Variants in SPINK5 observed in about 807,000 individuals in gnomAD.
SPINK5 encodes serine peptidase inhibitor Kazal type 5, also known as serine protease inhibitor Kazal-type 5.
In SPINK5, 125 loss-of-function variants were observed where a neutral mutation model predicts 151.8. That is an observed-to-expected ratio of 0.82 (90% CI 0.71 to 0.96). The LOEUF (loss-of-function observed/expected upper bound fraction) is 0.96, where lower values mean the gene tolerates loss of function less well. SPINK5 is among the 40% of genes least tolerant of loss of function. The pLI is 0.00. For synonymous variants in SPINK5, 374 were observed against 395.3 expected (o/e 0.95, Z 0.64); for missense variants, 1,194 against 1,291.9 (o/e 0.92, Z 1.16).
chr5:148,119,064 T>C lies in SPINK5; in HGVS notation c.2313+6T>C. 1 of 1,613,752 alleles carries C rather than the reference T, an allele frequency of 6.2e-7. No individual in the cohort carries two copies. Among genetic ancestry groups the C allele is most frequent in the Non-Finnish European group, 8.5e-7 (1 of 1,179,806 alleles). ...CTGGATCAGAATCAGGGAAGGTGAG[T>C]TATTTTTTGGGTTTTGGCAAGAATC... On this transcript the variant is annotated splice_donor_region_variant and intron_variant, in intron 24 of 32. Coordinates refer to ENST00000256084, the MANE Select transcript of SPINK5 (RefSeq NM_006846.4).
intron 20 of SPINK5, among the ~76,000 whole-genome samples, chr5:148,113,690 C>T (rs17107763): frequency 0.15 from 23,313 of 152,106 alleles, 2,459 homozygotes; most frequent in East Asian, 0.32. Flanking sequence ...CGCCCTGGAA[C>T]TCTGTATGTT....
chr5:148,119,089 C>T (rs9325073), intron 24 of SPINK5, 31 bp downstream of exon 24: 41 of 1,605,384 alleles, frequency 2.6e-5, no homozygotes, highest in Non-Finnish European at 3.4e-5. Context: ...TGGCAAGAAT[C>T]GTCTTTCTGT....
At chr5:148,095,694 G>A in intron 9 of SPINK5, 124 bp from the exon 10 acceptor site, 1 of 765,698 alleles carries the variant, frequency 1.3e-6, no homozygotes, top group Non-Finnish European at 2.3e-6. Flanking sequence ...GGGGATTTGA[G>A]GTGTTTTTAA....
intron 20 of SPINK5, among the ~76,000 whole-genome samples, chr5:148,113,464 T>C (rs1370059492): frequency 6.6e-6 from 1 of 152,218 alleles, no homozygotes; most frequent in East Asian, 1.9e-4. Context: ...CTATTTGTTT[T>C]TGGATTACCA....
At chr5:148,114,609 T>G in intron 21 of SPINK5, 120 bp downstream of exon 21, 1 of 1,421,350 alleles carries the variant, frequency 7.0e-7, no homozygotes, top group Non-Finnish European at 9.8e-7. Flanking sequence ...GAAGGTTATC[T>G]GTAAAGCATT....
rs1040842145 is a variant in SPINK5, at chr5:148,112,925, A to T, written c.1878A>T (p.Glu626Asp). 1 of 1,613,874 alleles carries T rather than the reference A, an allele frequency of 6.2e-7. No individual in the cohort carries two copies. The highest frequency in any genetic ancestry group is 1.7e-5 in the Admixed American group (1 of 59,988). The change falls in exon 20 of 33, where the codon GAA becomes GAT. Residue 626 changes from glutamate (E) to aspartate (D), a missense_variant. By Grantham distance (45) the Glu-to-Asp change is conservative. Coordinates refer to ENST00000256084, the MANE Select transcript of SPINK5 (RefSeq NM_006846.4). ...RAEPRAKVKR[E>D]AEKETCDEFR... ...AACCCAGAGCAAAAGTCAAAAGAGA[A>T]GCTGAAAAGGTAGTAATCCTGAATG...
Position 148,105,010 on chromosome 5 carries a change from TC to T in SPINK5, c.1479+11del, listed in dbSNP as rs2113133247. The T allele has an allele frequency of 6.2e-7, 1 of 1,613,504 alleles. No individual in the cohort carries two copies. The highest frequency in any genetic ancestry group is 8.5e-7 in the Non-Finnish European group (1 of 1,179,524). On this transcript the variant is annotated intron_variant, in intron 16 of 32. Coordinates refer to ENST00000256084, the MANE Select transcript of SPINK5 (RefSeq NM_006846.4). ...AAGAGAAGCTGCAAAGGTAATATTC[TC>T]AGGAATGCTGATGCTGTGCCCTGAC...
chr5:148,098,799 G>A (rs140429478), intron 11 of SPINK5, among the ~76,000 whole-genome samples: 1 of 152,084 alleles, frequency 6.6e-6, no homozygotes, highest in African/African-American at 2.4e-5. Flanking sequence ...CTTGGTTGTA[G>A]TCATATCCTG....
At chr5:148,082,622 T>TGG (rs1271269979) in intron 4 of SPINK5, among the ~76,000 whole-genome samples, 6 of 12,660 alleles carry the variant, frequency 4.7e-4, no homozygotes, top group Non-Finnish European at 6.8e-4. Flanking sequence ...TTTTTTTTTT[T>TGG]TTTTTTGAGA....
chr5:148,083,862 C>T (rs989599775), intron 4 of SPINK5, among the ~76,000 whole-genome samples: 5 of 151,410 alleles, frequency 3.3e-5, no homozygotes, highest in East Asian at 3.9e-4. Context: ...TTTCCATTGC[C>T]TTCTAGGAGA....
intron 5 of SPINK5, among the ~76,000 whole-genome samples, chr5:148,087,037 T>G (rs1181766019): frequency 1.3e-5 from 2 of 151,558 alleles, no homozygotes; most frequent in African/African-American, 4.8e-5. Context: ...ATCCATCATC[T>G]ATTATCTATT....
At chr5:148,133,199 T>G (rs980751091) in intron 31 of SPINK5, among the ~76,000 whole-genome samples, 1 of 152,168 alleles carries the variant, frequency 6.6e-6, no homozygotes, top group Admixed American at 6.5e-5. Flanking sequence ...GGAAACAATA[T>G]TCATTTCTAA....
At chr5:148,107,563 G>A (rs1163882001) in intron 17 of SPINK5, among the ~76,000 whole-genome samples, 3 of 151,978 alleles carry the variant, frequency 2.0e-5, no homozygotes, top group Admixed American at 2.0e-4. Context: ...AGGTCTGTGG[G>A]GTCAGTACAT....
intron 30 of SPINK5, among the ~76,000 whole-genome samples, chr5:148,130,030 A>G (rs1440696657): frequency 6.6e-6 from 1 of 152,030 alleles, no homozygotes; most frequent in African/African-American, 2.4e-5. Flanking sequence ...CTTTTCAAGC[A>G]GCTAACTTTT....
At chr5:148,124,169 T>C (rs980307561) in intron 27 of SPINK5, among the ~76,000 whole-genome samples, 2 of 152,148 alleles carry the variant, frequency 1.3e-5, no homozygotes, top group African/African-American at 4.8e-5. Flanking sequence ...ACCTCTGGGG[T>C]AGGAAGAGGT....
In SPINK5 at chr5:148,099,326, T is replaced by A. The variant is rs2091430685; in HGVS notation, c.1092+11T>A. 1 of 1,610,350 alleles carries A rather than the reference T, an allele frequency of 6.2e-7. No homozygotes were observed. Among genetic ancestry groups the A allele is most frequent in the Non-Finnish European group, 8.5e-7 (1 of 1,177,490 alleles). On this transcript the variant is annotated intron_variant, in intron 12 of 32. Coordinates refer to ENST00000256084, the MANE Select transcript of SPINK5 (RefSeq NM_006846.4). ...GCAACCTCATATGCAGTGAGTGGAATCCATCCAATAAATCCTATTTGGTGC... is the reference window on the plus strand; with the variant it reads ...GCAACCTCATATGCAGTGAGTGGAAACCATCCAATAAATCCTATTTGGTGC...
At chr5:148,126,061 T>G (rs763984278) in intron 29 of SPINK5, among the ~76,000 whole-genome samples, 5 of 152,226 alleles carry the variant, frequency 3.3e-5, no homozygotes, top group Admixed American at 6.5e-5. Flanking sequence ...CTAACCAAGA[T>G]GTATACTAGC....
chr5:148,104,877 C>G lies in SPINK5; in HGVS notation c.1431-75C>G, dbSNP rs10477362. 11,017 of 1,417,694 alleles carry G rather than the reference C, an allele frequency of 7.8e-3. 689 individuals carry two copies. The African/African-American group carries it at 0.14, about 18-fold the overall frequency. 87.8% of individuals were successfully genotyped at this position (1,417,694 alleles called of 1,614,324 possible). A position where few individuals can be genotyped will look rare whatever the true frequency, so the allele number is the denominator to read the frequency against. On this transcript the variant is annotated intron_variant, in intron 15 of 32. Coordinates refer to ENST00000256084, the MANE Select transcript of SPINK5 (RefSeq NM_006846.4). ...CGCCACTGCACTCCAGCCTGGGTGA[C>G]AGAGAGAGACTCCGTCTCAAAAAAG...
intron 4 of SPINK5, among the ~76,000 whole-genome samples, chr5:148,082,974 C>G (rs1211150041): frequency 9.7e-6 from 1 of 102,662 alleles, no homozygotes; most frequent in Non-Finnish European, 1.9e-5. Context: ...AATCTAATGG[C>G]TTAATATTCT....
Sources: gnomAD v4.1 joint callset for allele counts (sites outside exome capture counted in the v4.1 genomes callset) on GRCh38, gnomAD v4.1.1 for gene constraint, MANE v1.5 for transcripts, NCBI Gene and HGNC (gene_info 2026-07-23, HGNC 2026-07-21) for gene names.